The following GNAL variants were observed in gnomAD, a reference collection of about 807,000 sequenced individuals.
The protein encoded by GNAL is G protein subunit alpha L, also known as guanine nucleotide-binding protein G(olf) subunit alpha.
Under a neutral mutation model 55.1 loss-of-function variants are expected in GNAL, and 18 were observed. The ratio of observed to expected loss-of-function variants is 0.33; its 90% CI spans 0.23 to 0.48. The LOEUF is 0.48. Ranked by LOEUF, GNAL falls within the 20% of genes least tolerant of loss-of-function variation. The pLI is 0.99. For synonymous variants in GNAL, 253 were observed against 237.0 expected (o/e 1.07, Z -0.62); for missense variants, 412 against 614.1 (o/e 0.67, Z 3.48).
At chr18:11,835,210 A>G (rs2035473546) in intron 5 of GNAL, among the ~76,000 whole-genome samples, 2 of 152,234 alleles carry the variant, frequency 1.3e-5, no homozygotes, top group Admixed American at 6.5e-5. Context: ...CTTAGATAAC[A>G]TTCTGTGAGC....
chr18:11,720,609 TCTC>T (rs2032072296), intron 1 of GNAL, among the ~76,000 whole-genome samples: 1 of 152,244 alleles, frequency 6.6e-6, no homozygotes, highest in South Asian at 2.1e-4. Flanking sequence ...GTTTGATTCT[TCTC>T]TTGATATCTG....
chr18:11,748,874 C>G (rs966382373), intron 1 of GNAL, among the ~76,000 whole-genome samples: 5 of 152,158 alleles, frequency 3.3e-5, no homozygotes, highest in Non-Finnish European at 5.9e-5. Flanking sequence ...TCTATAATCC[C>G]AGCTCTTTGG....
intron 4 of GNAL, among the ~76,000 whole-genome samples, chr18:11,783,132 A>G (rs920546554): frequency 4.6e-5 from 7 of 152,230 alleles, no homozygotes; most frequent in African/African-American, 1.7e-4. Context: ...GAGGTGGGTC[A>G]TTCCCATTAC....
chr18:11,702,212 C>T (rs2143323370), intron 1 of GNAL: 1 of 152,320 alleles, frequency 6.6e-6, no homozygotes, highest in East Asian at 1.9e-4. Context: ...AAATATCAGC[C>T]CCTGGAATTA....
rs1185651790 is a variant in GNAL at position 11,804,785 on chromosome 18, C to T, written c.625-20133C>T. Among the ~76,000 whole-genome samples the T allele has an allele frequency of 5.1e-5, 6 of 117,718 alleles. No individual in the cohort carries two copies. In the East Asian group the frequency reaches 8.4e-4, roughly 16 times the overall value. The allele number at this position is 117,718 out of a possible 152,430, so 77.2% of individuals were successfully genotyped here. A position where few individuals can be genotyped will look rare whatever the true frequency, so the allele number is the denominator to read the frequency against. ...GTACAGGTGCAGTTTGAGTGGAACACGGAGATACTGTGTAGTGGTGAAGTA... is the reference window on the plus strand; with the variant it reads ...GTACAGGTGCAGTTTGAGTGGAACATGGAGATACTGTGTAGTGGTGAAGTA... On this transcript the variant is annotated intron_variant, in intron 4 of 11. Coordinates refer to ENST00000334049, the MANE Select transcript of GNAL (RefSeq NM_182978.4).
chr18:11,734,872 C>T (rs73397852), intron 1 of GNAL, among the ~76,000 whole-genome samples: 4 of 148,510 alleles, frequency 2.7e-5, no homozygotes, highest in Non-Finnish European at 5.9e-5. Flanking sequence ...TTTAGACCAG[C>T]GTCCCCTATC....
intron 1 of GNAL, among the ~76,000 whole-genome samples, chr18:11,729,594 T>C (rs2032289631): frequency 6.6e-6 from 1 of 152,254 alleles, no homozygotes; most frequent in African/African-American, 2.4e-5. Context: ...ATTGTAGATA[T>C]TTGTAAGTTT....
chr18:11,734,487 G>T (rs1222324301), intron 1 of GNAL, among the ~76,000 whole-genome samples: 1 of 152,016 alleles, frequency 6.6e-6, no homozygotes, highest in Admixed American at 6.6e-5. Flanking sequence ...AATGGATTCA[G>T]TGGAGGCAAT....
chr18:11,826,171 G>C (rs2035238412), intron 5 of GNAL, among the ~76,000 whole-genome samples: 1 of 152,090 alleles, frequency 6.6e-6, no homozygotes, highest in Admixed American at 6.6e-5. Flanking sequence ...CATCCCCCAT[G>C]GGATGGGCCT....
At chr18:11,769,000 TAGA>T (rs1235589847) in intron 4 of GNAL, among the ~76,000 whole-genome samples, 2 of 105,058 alleles carry the variant, frequency 1.9e-5, no homozygotes, top group African/African-American at 5.5e-5. Flanking sequence ...TATTATAATA[TAGA>T]ATATATATAT....
At chr18:11,865,705 T>C (rs1006821249) in intron 7 of GNAL, among the ~76,000 whole-genome samples, 24 of 139,142 alleles carry the variant, frequency 1.7e-4, no homozygotes, top group Non-Finnish European at 3.1e-4. Context: ...CAGTGGGCCA[T>C]GATTAGGCCA....
intron 5 of GNAL, among the ~76,000 whole-genome samples, chr18:11,829,120 G>A (rs1192361583): frequency 1.3e-5 from 2 of 152,218 alleles, no homozygotes; most frequent in East Asian, 1.9e-4. Flanking sequence ...CCTTGTGAGC[G>A]AGGCCCCAGG....
chr18:11,705,101 A>G (rs992939674), intron 1 of GNAL, among the ~76,000 whole-genome samples: 2 of 152,202 alleles, frequency 1.3e-5, no homozygotes, highest in African/African-American at 2.4e-5. Flanking sequence ...CTCCTTGAAT[A>G]GCAACTCTCC....
At chr18:11,863,313 A>G (rs1278637865) in intron 6 of GNAL, among the ~76,000 whole-genome samples, 1 of 152,086 alleles carries the variant, frequency 6.6e-6, no homozygotes, top group Non-Finnish European at 1.5e-5. Flanking sequence ...AGTGAACCCC[A>G]AGGAAGTTAG....
intron 1 of GNAL, among the ~76,000 whole-genome samples, chr18:11,693,766 C>T (rs1447098983): frequency 7.7e-6 from 1 of 129,482 alleles, no homozygotes; most frequent in Admixed American, 7.6e-5. Context: ...TTTTTAATCC[C>T]AACACTTTAG....
chr18:11,863,250 T>C (rs957689475), intron 6 of GNAL, among the ~76,000 whole-genome samples: 1 of 152,176 alleles, frequency 6.6e-6, no homozygotes, highest in Admixed American at 6.5e-5. Flanking sequence ...CTGCAGAGAC[T>C]TGGAGAGCCC....
chr18:11,772,919 C>T (rs1350870947), intron 4 of GNAL, among the ~76,000 whole-genome samples: 4 of 152,194 alleles, frequency 2.6e-5, no homozygotes, highest in Non-Finnish European at 5.9e-5. Context: ...CATCCCTGTC[C>T]TGCGAAGACA....
intron 4 of GNAL, among the ~76,000 whole-genome samples, chr18:11,790,220 G>T (rs957964128): frequency 6.7e-6 from 1 of 150,100 alleles, no homozygotes; most frequent in African/African-American, 2.5e-5. Flanking sequence ...AAGTGGGCAG[G>T]GGGTGTTCAG....
intron 1 of GNAL, among the ~76,000 whole-genome samples, chr18:11,692,326 A>G (rs1168494243): frequency 6.6e-6 from 1 of 152,232 alleles, no homozygotes; most frequent in Non-Finnish European, 1.5e-5. Flanking sequence ...TGAAATATCT[A>G]ATTTCTAAAG....
Sources: allele counts gnomAD v4.1 joint callset (sites outside exome capture counted in the v4.1 genomes callset), GRCh38; gene constraint gnomAD v4.1.1; transcripts MANE v1.5; gene names NCBI Gene and HGNC (gene_info 2026-07-23, HGNC 2026-07-21).